The following SMCO1 variants were observed in gnomAD, a reference collection of about 807,000 sequenced individuals.
The protein encoded by SMCO1 is single-pass membrane protein with coiled-coil domains 1.
SMCO1 carries 9 observed loss-of-function variants against 7.5 expected under a neutral mutation model. The observed-to-expected ratio is 1.20, with a 90% CI of 0.72 to 2.09. The LOEUF (loss-of-function observed/expected upper bound fraction) is 2.09, where lower values mean the gene tolerates loss of function less well. SMCO1 is among the 30% of genes most tolerant of loss of function. SMCO1 has a pLI of 0.00. For synonymous variants in SMCO1, 90 were observed against 93.8 expected, an observed-to-expected ratio of 0.96 and a Z score of 0.23; for missense variants, 219 against 253.1, an observed-to-expected ratio of 0.87 and a Z score of 0.91.
intron 1 of SMCO1, among the ~76,000 whole-genome samples, chr3:196,511,426 T>C (rs1234273355): frequency 8.0e-6 from 1 of 125,606 alleles, no homozygotes; most frequent in Non-Finnish European, 1.7e-5. Flanking sequence ...ACCTAGATTG[T>C]CCTTATGAGG....
At position 196,508,272 on chromosome 3, in the gene SMCO1, A is replaced by T. The variant is rs1733111309; in HGVS notation, c.260T>A (p.Leu87Ter). 1.2e-6 allele frequency: 2 copies of T among 1,614,158 alleles called. No homozygotes were observed. Among genetic ancestry groups the T allele is most frequent in the Non-Finnish European group, 1.7e-6 (2 of 1,180,016 alleles). The change falls in exon 3 of 3, where the codon TTG (leucine) becomes TAG (stop). Residue 87 changes from leucine to a stop codon, truncating the protein, a stop_gained. Coordinates refer to ENST00000397537, the MANE Select transcript of SMCO1 (RefSeq NM_001077657.3). LOFTEE classifies it low-confidence loss of function (END_TRUNC). ...YSYVIEVLIC[L>*]HTRVLEKLPD... Reference sequence around the variant, plus strand: ...CAGCTTCTCAAGCACACGAGTATGCAAGCAGATAAGTACTTCAATGACGTA... The same window carrying T: ...CAGCTTCTCAAGCACACGAGTATGCTAGCAGATAAGTACTTCAATGACGTA...
chr3:196,507,082 G>A lies in SMCO1; in HGVS notation c.*805C>T, dbSNP rs1277478106. 1.3e-5 allele frequency: 2 copies of A among 152,228 alleles called. No homozygotes were observed. The highest frequency in any genetic ancestry group is 1.3e-4 in the Admixed American group (2 of 15,274). The allele number at this position is 152,228 out of a possible 1,614,324, so 9.4% of individuals were successfully genotyped here. ...ACGATAGTGTAGAGGACCAATCGCGGAAGGGTAGGTATGTATAAAATAGGT... is the reference window on the plus strand; with the variant it reads ...ACGATAGTGTAGAGGACCAATCGCGAAAGGGTAGGTATGTATAAAATAGGT... On this transcript the variant is annotated 3_prime_UTR_variant, in exon 3 of 3. Coordinates refer to ENST00000397537, the MANE Select transcript of SMCO1 (RefSeq NM_001077657.3).
rs370580225 is a variant in SMCO1 at position 196,507,951 on chromosome 3, G to A, written c.581C>T (p.Ala194Val). The change falls in exon 3 of 3, where the codon GCA becomes GTA. Residue 194 changes from alanine (A) to valine (V), a missense_variant. Transcript: ENST00000397537. ...RAVQVIEKGK[A>V]VRTPEKQKSS... ...CTTTTGCTTTTCAGGGGTCCTAACT[G>A]CTTTCCCCTTCTCAATTACCTGCAC... The A allele has an allele frequency of 4.7e-5, 76 of 1,614,132 alleles. No individual in the cohort carries two copies. The East Asian group carries it at 1.5e-3, about 32-fold the overall frequency.
At chr3:196,519,173 C>A (rs1733446153), upstream of SMCO1, among the ~76,000 whole-genome samples, 1 of 152,110 alleles carries the variant, frequency 6.6e-6, no homozygotes, top group South Asian at 2.1e-4. Context: ...TTTTTGCAGC[C>A]CAGGGAAGTA....
chr3:196,520,575 GTTCCC>G, the SMCO1 span, among the ~76,000 whole-genome samples: 1 of 152,254 alleles, frequency 6.6e-6, no homozygotes, highest in South Asian at 2.1e-4. Context: ...GAAGCTTCAT[GTTCCC>G]TTCTCATTAC....
intron 2 of SMCO1, 51 bp downstream of exon 2, chr3:196,509,469 G>A: frequency 6.5e-7 from 1 of 1,530,112 alleles, no homozygotes; most frequent in Admixed American, 1.8e-5. Flanking sequence ...ATGACCAGTG[G>A]AAGCTCTCAC....
At chr3:196,518,684 C>T (rs1733437387), upstream of SMCO1, among the ~76,000 whole-genome samples, 1 of 152,218 alleles carries the variant, frequency 6.6e-6, no homozygotes, top group Non-Finnish European at 1.5e-5. Flanking sequence ...CAAGGTACAA[C>T]ATTCAATGGA....
At chr3:196,515,580 A>C (rs1214334454), upstream of SMCO1, among the ~76,000 whole-genome samples, 1 of 152,190 alleles carries the variant, frequency 6.6e-6, no homozygotes, top group East Asian at 1.9e-4. Context: ...GTTTGATGGA[A>C]ATATTACTGT....
upstream of SMCO1, among the ~76,000 whole-genome samples, chr3:196,519,899 G>A (rs1560287468): frequency 2.0e-5 from 3 of 152,070 alleles, no homozygotes; most frequent in Admixed American, 1.3e-4. Flanking sequence ...CATTTAACAA[G>A]GTGCCAGGAC....
Position 196,515,299 on chromosome 3 carries a change from C to G in SMCO1, c.-90G>C, listed in dbSNP as rs1325734147. 2 of 962,836 alleles carry G rather than the reference C, an allele frequency of 2.1e-6. No homozygotes were observed. Among genetic ancestry groups the G allele is most frequent in the Non-Finnish European group, 3.3e-6 (2 of 598,688 alleles). The allele number at this position is 962,836 out of a possible 1,614,324, so 59.6% of individuals were successfully genotyped here. A position where few individuals can be genotyped will look rare whatever the true frequency, so the allele number is the denominator to read the frequency against. On this transcript the variant is annotated 5_prime_UTR_variant, in exon 1 of 3. Transcript: ENST00000397537. The stretch of plus-strand genomic sequence containing the variant: ...ATCCAGAATTTTCTGCGGTCTTCCT[C>G]TCAGCAACAGGCAGCAGTAGCAGGA...
chr3:196,513,911 A>T (rs1283865004), intron 1 of SMCO1, among the ~76,000 whole-genome samples: 1 of 152,156 alleles, frequency 6.6e-6, no homozygotes, highest in East Asian at 1.9e-4. Flanking sequence ...TGACCTCACC[A>T]TCCAATCAAT....
chr3:196,519,025 C>G (rs999382989), upstream of SMCO1, among the ~76,000 whole-genome samples: 1 of 152,228 alleles, frequency 6.6e-6, no homozygotes, highest in Non-Finnish European at 1.5e-5. Context: ...TCAAATGCTT[C>G]TGGACTGGAC....
upstream of SMCO1, among the ~76,000 whole-genome samples, chr3:196,518,464 A>G (rs1391821584): frequency 6.6e-6 from 1 of 152,054 alleles, no homozygotes; most frequent in Admixed American, 6.5e-5. Context: ...ATGGAGCCAT[A>G]TCACGATGCT....
intron 1 of SMCO1, among the ~76,000 whole-genome samples, chr3:196,514,791 GAGTGC>G (rs1733338402): frequency 6.6e-6 from 1 of 152,152 alleles, no homozygotes; most frequent in Non-Finnish European, 1.5e-5. Context: ...TGCCAGGCTG[GAGTGC>G]AGTGGCACGA....
At chr3:196,510,374 G>A (rs1733186626) in intron 1 of SMCO1, among the ~76,000 whole-genome samples, 1 of 152,174 alleles carries the variant, frequency 6.6e-6, no homozygotes, top group Non-Finnish European at 1.5e-5. Flanking sequence ...TAAAGAAATT[G>A]AGTCTCAAGA....
upstream of SMCO1, among the ~76,000 whole-genome samples, chr3:196,519,851 C>G (rs574890260): frequency 2.0e-5 from 3 of 152,266 alleles, no homozygotes; most frequent in South Asian, 6.2e-4. Context: ...TCTCTGGTTC[C>G]ATGGCTTGGA....
At chr3:196,516,820 C>T (rs1234899179), upstream of SMCO1, among the ~76,000 whole-genome samples, 1 of 152,072 alleles carries the variant, frequency 6.6e-6, no homozygotes, top group East Asian at 1.9e-4. Context: ...AATCTAGGCT[C>T]AGGTGCAGTG....
intron 1 of SMCO1, 161 bp downstream of exon 1, chr3:196,514,999 C>CCA: frequency 1.2e-6 from 1 of 816,610 alleles, no homozygotes; most frequent in Non-Finnish European, 2.0e-6. Context: ...CTCGGCCTCC[C>CCA]AGTGTGCTGG....
At chr3:196,510,660 T>G (rs1373284636) in intron 1 of SMCO1, among the ~76,000 whole-genome samples, 1 of 152,186 alleles carries the variant, frequency 6.6e-6, no homozygotes, top group African/African-American at 2.4e-5. Context: ...CACTGCCTTT[T>G]TGAATCCCCA....
Sources: gnomAD v4.1 joint callset for allele counts (sites outside exome capture counted in the v4.1 genomes callset) on GRCh38, gnomAD v4.1.1 for gene constraint, MANE v1.5 for transcripts, NCBI Gene and HGNC (gene_info 2026-07-23, HGNC 2026-07-21) for gene names.